ARHGAP26: variants seen among roughly 807,000 people sequenced by gnomAD.
ARHGAP26 encodes the protein rho GTPase-activating protein 26.
Under a neutral mutation model 104.8 loss-of-function variants are expected in ARHGAP26, and 38 were observed. The ratio of observed to expected loss-of-function variants is 0.36; its 90% CI spans 0.28 to 0.48. ARHGAP26 has a LOEUF of 0.48. Ranked by LOEUF, ARHGAP26 falls within the 20% of genes least tolerant of loss-of-function variation. The pLI, the probability that ARHGAP26 is intolerant of heterozygous loss-of-function variation, is 0.99. For missense variants in ARHGAP26, 704 were observed against 947.9 expected (o/e 0.74, Z 3.38); for synonymous variants, 341 against 340.0 (o/e 1.00, Z -0.03).
At chr5:142,831,354 A>G (rs1768392636) in intron 1 of ARHGAP26, among the ~76,000 whole-genome samples, 1 of 148,670 alleles carries the variant, frequency 6.7e-6, no homozygotes, top group Admixed American at 6.7e-5. Context: ...GCCTTTCCTC[A>G]TCTCCTTTCC....
intron 17 of ARHGAP26, among the ~76,000 whole-genome samples, chr5:143,107,270 CA>C (rs1338171333): frequency 6.6e-6 from 1 of 152,134 alleles, no homozygotes; most frequent in African/African-American, 2.4e-5. Flanking sequence ...GGTCAGTAGG[CA>C]GGGGCTGGAT....
intron 19 of ARHGAP26, among the ~76,000 whole-genome samples, chr5:143,138,405 A>G (rs934987333): frequency 6.6e-6 from 1 of 152,248 alleles, no homozygotes; most frequent in African/African-American, 2.4e-5. Context: ...TTTAGAAAGC[A>G]TCGTAGCAAC....
At chr5:142,791,567 C>T (rs1426260765) in intron 1 of ARHGAP26, among the ~76,000 whole-genome samples, 1 of 152,100 alleles carries the variant, frequency 6.6e-6, no homozygotes, top group Non-Finnish European at 1.5e-5. Context: ...ATGGCTGACT[C>T]TTAAATTGAC....
intron 17 of ARHGAP26, among the ~76,000 whole-genome samples, chr5:143,065,797 C>A (rs1404597347): frequency 1.3e-5 from 2 of 152,164 alleles, no homozygotes; most frequent in Non-Finnish European, 2.9e-5. Context: ...GGCATTCACA[C>A]ACGGATACGC....
chr5:142,982,173 T>A (rs1418469500), intron 11 of ARHGAP26, among the ~76,000 whole-genome samples: 1 of 152,044 alleles, frequency 6.6e-6, no homozygotes, highest in East Asian at 1.9e-4. Flanking sequence ...TACACACACC[T>A]CCCCATCCCC....
At chr5:143,163,351 G>A (rs258787) in intron 20 of ARHGAP26, among the ~76,000 whole-genome samples, 48,588 of 151,980 alleles carry the variant, frequency 0.32, 8,669 homozygotes, top group East Asian at 0.49. Flanking sequence ...TCCCTAGTTC[G>A]TTTTCTAGAT....
intron 21 of ARHGAP26, among the ~76,000 whole-genome samples, chr5:143,208,942 A>G (rs569608294): frequency 1.3e-5 from 2 of 152,308 alleles, no homozygotes; most frequent in Non-Finnish European, 2.9e-5. Flanking sequence ...TTTCTAAGAT[A>G]CCAGAAATAG....
At position 143,168,445 on chromosome 5, in the gene ARHGAP26, C is replaced by CTTTTTTTTTTTTTTTTTTTTTTTTT. The variant is rs10610584; in HGVS notation, c.1988+21071_1988+21095dup. 1.9e-4 allele frequency: 5 copies of CTTTTTTTTTTTTTTTTTTTTTTTTT among 25,708 alleles called. 2 individuals carry two copies. The highest frequency in any genetic ancestry group is 3.4e-4 in the Non-Finnish European group (5 of 14,546). 1.6% of individuals were successfully genotyped at this position (25,708 alleles called of 1,614,324 possible). ...CAAATAGACCTCACCATCTGGAACTCTTTTTTTTTTTTTTTTTTTTTTTTT... is the reference window on the plus strand; with the variant it reads ...CAAATAGACCTCACCATCTGGAACTCTTTTTTTTTTTTTTTTTTTTTTTTTTTTTTTTTTTTTTTTTTTTTTTTTT... On this transcript the variant is annotated intron_variant, in intron 20 of 22. Transcript: ENST00000645722.
chr5:142,800,114 A>C (rs1470077139), intron 1 of ARHGAP26, among the ~76,000 whole-genome samples: 1 of 152,238 alleles, frequency 6.6e-6, no homozygotes, highest in Non-Finnish European at 1.5e-5. Context: ...ATGATCTAGA[A>C]AGAAATACCT....
rs79070308 is a variant in ARHGAP26, at chr5:143,198,545, G to A, written c.1989-8653G>A. 5.9e-5 allele frequency among the ~76,000 whole-genome samples: 9 copies of A among 152,278 alleles called. No individual in the cohort carries two copies. In the East Asian group the frequency reaches 1.7e-3, roughly 29 times the overall value. On this transcript the variant is annotated intron_variant, in intron 20 of 22. Transcript: ENST00000645722. ...TTTAACCTTTCTGACCCTTTCCCTT[G>A]AGGTTTTTCTGTACAATGAGCAATT...
rs770766054 is a variant in ARHGAP26, at chr5:142,770,875, G to A, written c.114G>A (p.Glu38=). 1.2e-6 allele frequency: 2 copies of A among 1,611,484 alleles called. No individual in the cohort carries two copies. Among genetic ancestry groups the A allele is most frequent in the Non-Finnish European group, 1.7e-6 (2 of 1,178,750 alleles). ...ELDKTNKFIK[E]LIKDGKSLIS... is the part of the protein sequence containing the mutation. Reference sequence around the variant, plus strand: ...ACAAGACCAACAAATTCATCAAGGAGCTCATCAAGGACGGGAAGTCACTCA... The same window carrying A: ...ACAAGACCAACAAATTCATCAAGGAACTCATCAAGGACGGGAAGTCACTCA... The change falls in exon 1 of 23, where the codon GAG becomes GAA. Residue 38 remains glutamate (E), a synonymous_variant. Coordinates refer to ENST00000645722, the MANE Select transcript of ARHGAP26 (RefSeq NM_001135608.3).
At chr5:142,908,559 A>G (rs1761421529) in intron 9 of ARHGAP26, among the ~76,000 whole-genome samples, 1 of 152,228 alleles carries the variant, frequency 6.6e-6, no homozygotes, top group Admixed American at 6.5e-5. Flanking sequence ...AATGTTCTAG[A>G]AACTAAAGTA....
intron 20 of ARHGAP26, among the ~76,000 whole-genome samples, chr5:143,197,322 C>G (rs76670768): frequency 0.031 from 4,717 of 152,182 alleles, 261 homozygotes; most frequent in African/African-American, 0.11. Context: ...TAGCAATTTA[C>G]ACCCCTCCTG....
chr5:143,228,239 G>A lies in ARHGAP26; in HGVS notation c.*5793G>A, dbSNP rs1811814571. The A allele has an allele frequency of 4.5e-6, 1 of 223,080 alleles. No individual in the cohort carries two copies. Among genetic ancestry groups the A allele is most frequent in the Non-Finnish European group, 8.9e-6 (1 of 111,794 alleles). 13.8% of individuals were successfully genotyped at this position (223,080 alleles called of 1,614,324 possible). On this transcript the variant is annotated 3_prime_UTR_variant, in exon 23 of 23. Coordinates refer to ENST00000645722, the MANE Select transcript of ARHGAP26 (RefSeq NM_001135608.3). ...TCTGTTGATTCTAAAGTATATTTAT[G>A]TGTGTGTGTATGTGTGTGTATACAG...
At chr5:143,051,496 A>G (rs1785021760) in intron 14 of ARHGAP26, among the ~76,000 whole-genome samples, 1 of 152,194 alleles carries the variant, frequency 6.6e-6, no homozygotes, top group Non-Finnish European at 1.5e-5. Context: ...GAAGAGTGTA[A>G]ATGACGTCTC....
intron 5 of ARHGAP26, among the ~76,000 whole-genome samples, chr5:142,892,670 C>T (rs755405783): frequency 1.3e-5 from 2 of 149,730 alleles, no homozygotes; most frequent in Non-Finnish European, 2.9e-5. Context: ...GTCTGTTTGG[C>T]TCACCCACTT....
chr5:143,139,585 C>A (rs1370297304), intron 19 of ARHGAP26, among the ~76,000 whole-genome samples: 1 of 152,168 alleles, frequency 6.6e-6, no homozygotes, highest in Non-Finnish European at 1.5e-5. Context: ...TGCGTCCTGG[C>A]AGGCTGCAGC....
chr5:143,202,286 G>C (rs1009033859), intron 20 of ARHGAP26: 12 of 148,552 alleles, frequency 8.1e-5, no homozygotes, highest in Admixed American at 2.0e-4. Flanking sequence ...CCATTTGCTT[G>C]GTAAATTGAA....
chr5:142,804,990 G>A (rs746913880), intron 1 of ARHGAP26, among the ~76,000 whole-genome samples: 9 of 151,934 alleles, frequency 5.9e-5, no homozygotes, highest in African/African-American at 1.5e-4. Context: ...AATGTTTTTC[G>A]GGTCCATTCA....
Sources: allele counts gnomAD v4.1 joint callset (sites outside exome capture counted in the v4.1 genomes callset), GRCh38; gene constraint gnomAD v4.1.1; transcripts MANE v1.5; gene names NCBI Gene and HGNC (gene_info 2026-07-23, HGNC 2026-07-21).